Variants in TNS3 observed in about 807,000 individuals in gnomAD.
TNS3 encodes the protein tensin-3.
In TNS3, 45 loss-of-function variants were observed where a neutral mutation model predicts 140.9. That is an observed-to-expected ratio of 0.32 (90% confidence interval 0.25 to 0.41). TNS3 has a LOEUF of 0.41. TNS3 is among the 10% of genes least tolerant of loss of function. The probability of loss-of-function intolerance (pLI) is 1.00; values close to 1 mark genes in which losing one functional copy is unlikely to be tolerated. For synonymous variants in TNS3, 815 were observed against 788.4 expected, an observed-to-expected ratio of 1.03 and a Z score of -0.56; for missense variants, 1,716 against 1,906.7, an observed-to-expected ratio of 0.90 and a Z score of 1.86.
chr7:47,306,614 G>A (rs981466826), intron 20 of TNS3, among the ~76,000 whole-genome samples: 12 of 151,044 alleles, frequency 7.9e-5, no homozygotes, highest in Admixed American at 1.3e-4. Flanking sequence ...TCGCTCTGTC[G>A]CCCAGACTGG....
intron 17 of TNS3, among the ~76,000 whole-genome samples, chr7:47,365,112 T>C (rs1022261831): frequency 1.3e-5 from 2 of 152,244 alleles, no homozygotes; most frequent in East Asian, 3.8e-4. Flanking sequence ...AAATAACTTT[T>C]ATAATAAAAC....
chr7:47,476,783 G>A (rs1206327649), intron 4 of TNS3, among the ~76,000 whole-genome samples: 1 of 152,188 alleles, frequency 6.6e-6, no homozygotes, highest in Admixed American at 6.5e-5. Flanking sequence ...CTGGCTCCCA[G>A]GAAGCTCCAA....
intron 20 of TNS3, among the ~76,000 whole-genome samples, chr7:47,338,221 A>C (rs903954065): frequency 1.3e-5 from 2 of 152,220 alleles, no homozygotes; most frequent in Admixed American, 1.3e-4. Flanking sequence ...GAATGCAATC[A>C]CTGAGTCACA....
rs761266884 is a variant in TNS3, at chr7:47,369,315, A to T, written c.1331T>A (p.Met444Lys). Reference sequence around the variant, plus strand: ...ACTGTACTTGCTTCGAGCATCAGTCATTTCCTTGAGGGAGCTTCCAGGATC... The same window carrying T: ...ACTGTACTTGCTTCGAGCATCAGTCTTTTCCTTGAGGGAGCTTCCAGGATC... ...LEDPGSSLKE[M>K]TDARSKYSGT... The change falls in exon 17 of 31, where the codon ATG becomes AAG. Residue 444 changes from methionine (M) to lysine (K), a missense_variant. This residue lies in a region of TNS3 where 1,163 missense variants were observed against 1,182.1 expected (regional missense o/e 0.98). Transcript: ENST00000311160. The T allele has an allele frequency of 6.2e-7, 1 of 1,614,090 alleles. No individual in the cohort carries two copies. Among genetic ancestry groups the T allele is most frequent in the Non-Finnish European group, 8.5e-7 (1 of 1,180,038 alleles).
intron 9 of TNS3, among the ~76,000 whole-genome samples, chr7:47,425,913 A>G (rs1794621123): frequency 6.6e-6 from 1 of 152,142 alleles, no homozygotes; most frequent in Non-Finnish European, 1.5e-5. Flanking sequence ...TACTTCTGGA[A>G]TATAATCTAA....
At chr7:47,382,220 G>A (rs1277910144) in intron 16 of TNS3, among the ~76,000 whole-genome samples, 2 of 152,156 alleles carry the variant, frequency 1.3e-5, no homozygotes, top group African/African-American at 2.4e-5. Context: ...TCTGGGTTGG[G>A]CTTGATTTGG....
intron 2 of TNS3, among the ~76,000 whole-genome samples, chr7:47,526,738 T>C (rs1301152338): frequency 1.3e-5 from 2 of 152,254 alleles, no homozygotes; most frequent in Non-Finnish European, 2.9e-5. Flanking sequence ...GCTGATGCCA[T>C]GCTGCTCATG....
chr7:47,314,128 A>C (rs1787259009), intron 20 of TNS3, among the ~76,000 whole-genome samples: 1 of 152,222 alleles, frequency 6.6e-6, no homozygotes, highest in Non-Finnish European at 1.5e-5. Flanking sequence ...ACAGCAATTA[A>C]TCCACTTATT....
intron 16 of TNS3, among the ~76,000 whole-genome samples, chr7:47,388,520 A>T (rs968460076): frequency 2.6e-5 from 4 of 152,240 alleles, no homozygotes; most frequent in African/African-American, 9.6e-5. Flanking sequence ...GATCACAAAC[A>T]GCAGAGGAAA....
At chr7:47,509,679 C>T (rs938715077) in intron 2 of TNS3, among the ~76,000 whole-genome samples, 4 of 152,128 alleles carry the variant, frequency 2.6e-5, no homozygotes, top group Non-Finnish European at 4.4e-5. Context: ...CCTATCCTGC[C>T]GCCCACAGGA....
chr7:47,503,781 G>C (rs1478117020), intron 3 of TNS3, among the ~76,000 whole-genome samples: 1 of 152,116 alleles, frequency 6.6e-6, no homozygotes, highest in Admixed American at 6.6e-5. Context: ...AGGTTCTAGG[G>C]TTGGGAAGTA....
chr7:47,359,582 T>A (rs1242965923), intron 17 of TNS3, among the ~76,000 whole-genome samples: 2 of 152,216 alleles, frequency 1.3e-5, no homozygotes, highest in Non-Finnish European at 2.9e-5. Context: ...AAAAAATTAA[T>A]GAGTATTTTT....
intron 4 of TNS3, among the ~76,000 whole-genome samples, chr7:47,451,116 T>C (rs535949063): frequency 3.2e-4 from 48 of 150,964 alleles, no homozygotes; most frequent in Admixed American, 2.6e-3. Flanking sequence ...CCTGAGACGC[T>C]GTCTAAAAAA....
chr7:47,544,325 C>T (rs967056836), intron 1 of TNS3, among the ~76,000 whole-genome samples: 19 of 152,144 alleles, frequency 1.2e-4, no homozygotes, highest in African/African-American at 4.3e-4. Flanking sequence ...GCACGGAGCA[C>T]ACCTTTCTCA....
intron 9 of TNS3, among the ~76,000 whole-genome samples, chr7:47,425,640 C>A (rs1794608027): frequency 6.6e-6 from 1 of 152,116 alleles, no homozygotes; most frequent in Non-Finnish European, 1.5e-5. Flanking sequence ...AGCTCCATAG[C>A]CTCCCAGTGA....
intron 4 of TNS3, among the ~76,000 whole-genome samples, chr7:47,449,689 C>A (rs1176861220): frequency 1.3e-5 from 2 of 152,196 alleles, no homozygotes; most frequent in Non-Finnish European, 2.9e-5. Context: ...CTCACTGCAA[C>A]CTCCATCTGC....
chr7:47,572,392 A>T (rs1386407196), intron 1 of TNS3, among the ~76,000 whole-genome samples: 2 of 152,240 alleles, frequency 1.3e-5, no homozygotes, highest in Non-Finnish European at 2.9e-5. Flanking sequence ...TCGTGGGAAG[A>T]GGAAAATGAA....
In TNS3 at chr7:47,522,994, GTCTCC is replaced by G. The variant is rs1394432839; in HGVS notation, c.-153+6037_-153+6041del. ...AGAGCTATGTGCATAAAAACATGAT[GTCTCC>G]TCCAGTTTGGGCTACTGTTTAAAAA... On this transcript the variant is annotated intron_variant, in intron 2 of 30. Transcript: ENST00000311160. Among the ~76,000 whole-genome samples, 22 of 151,856 alleles carry G rather than the reference GTCTCC, an allele frequency of 1.4e-4. No individual in the cohort carries two copies. The East Asian group carries it at 4.3e-3, about 29-fold the overall frequency.
At chr7:47,316,155 C>A (rs1313988294) in intron 20 of TNS3, among the ~76,000 whole-genome samples, 1 of 144,172 alleles carries the variant, frequency 6.9e-6, no homozygotes, top group African/African-American at 2.6e-5. Context: ...TCCATTCTTT[C>A]CTCCCTCCTA....
Sources: gnomAD v4.1 joint callset for allele counts (sites outside exome capture counted in the v4.1 genomes callset) on GRCh38, gnomAD v4.1.1 for gene constraint, gnomAD v4.1.1 regional missense constraint, MANE v1.5 for transcripts, NCBI Gene and HGNC (gene_info 2026-07-23, HGNC 2026-07-21) for gene names.